Variants in TMEM141 observed in about 807,000 individuals in gnomAD.
The protein encoded by TMEM141 is transmembrane protein 141.
TMEM141 carries 18 observed loss-of-function variants against 15.9 expected under a neutral mutation model. That is an observed-to-expected ratio of 1.13 (90% confidence interval 0.78 to 1.68). The LOEUF (loss-of-function observed/expected upper bound fraction) is 1.68, where lower values mean the gene tolerates loss of function less well. Ranked by LOEUF, TMEM141 falls within the 40% of genes most tolerant of loss-of-function variation. The pLI is 0.00. For synonymous variants in TMEM141, 69 were observed against 54.0 expected, an observed-to-expected ratio of 1.28 and a Z score of -1.22; for missense variants, 161 against 139.5, an observed-to-expected ratio of 1.15 and a Z score of -0.78.
chr9:136,791,831 G>A (rs939935666), intron 2 of TMEM141, 54 bp downstream of exon 2: 11 of 1,608,490 alleles, frequency 6.8e-6, no homozygotes, highest in Admixed American at 1.7e-5. Context: ...CTCCCGCCCT[G>A]CCCTGACTCC....
In TMEM141 at chr9:136,792,930, G is replaced by A. The variant is rs1847605813; in HGVS notation, c.*98G>A. 1.4e-6 allele frequency: 2 copies of A among 1,395,946 alleles called. No homozygotes were observed. The highest frequency in any genetic ancestry group is 2.8e-5 in the Admixed American group (1 of 36,224). The allele number at this position is 1,395,946 out of a possible 1,614,324, so 86.5% of individuals were successfully genotyped here. A position where few individuals can be genotyped will look rare whatever the true frequency, so the allele number is the denominator to read the frequency against. ...CCAGGCCGACCCTCCCCACACCCTA[G>A]GGTACCCCAGTCGTATCCTCTGTCC... On this transcript the variant is annotated 3_prime_UTR_variant, in exon 5 of 5. Transcript: ENST00000290079.
chr9:136,792,052 C>T (rs764954624), intron 3 of TMEM141, 22 bp downstream of exon 3: 1 of 1,613,116 alleles, frequency 6.2e-7, no homozygotes, highest in Non-Finnish European at 8.5e-7. Context: ...AGGGCCCCTG[C>T]CTGGGCTCTT....
At position 136,791,939 on chromosome 9, in the gene TMEM141, C is replaced by T. The variant is rs367554345; in HGVS notation, c.122-8C>T. On this transcript the variant is annotated splice_polypyrimidine_tract_variant and splice_region_variant and intron_variant, in intron 2 of 4. Coordinates refer to ENST00000290079, the MANE Select transcript of TMEM141 (RefSeq NM_032928.4). ...GTACAGGTTGATGGGGACCTCGGCT[C>T]TTTGCAGGCACCGGCATGGCCTTTG... 8.7e-6 allele frequency: 14 copies of T among 1,613,970 alleles called. No homozygotes were observed. The African/African-American group carries it at 1.7e-4, about 20-fold the overall frequency.
intron 3 of TMEM141, 103 bp downstream of exon 3, chr9:136,792,133 C>A: frequency 6.5e-7 from 1 of 1,537,738 alleles, no homozygotes; most frequent in Non-Finnish European, 8.9e-7. Flanking sequence ...AGCCCCAGGT[C>A]TCGGCGGGAG....
rs886070876 is a variant in TMEM141, at chr9:136,792,881, A to G, written c.*49A>G. ...GGATTGGGGGCAGGAGGAGTCTGGA[A>G]CACAGCCTTCATGCCCCCTGACCCC... On this transcript the variant is annotated 3_prime_UTR_variant, in exon 5 of 5. Coordinates refer to ENST00000290079, the MANE Select transcript of TMEM141 (RefSeq NM_032928.4). The G allele has an allele frequency of 4.0e-6, 6 of 1,489,840 alleles. No individual in the cohort carries two copies. Among genetic ancestry groups the G allele is most frequent in the African/African-American group, 1.4e-5 (1 of 70,564 alleles). 92.3% of individuals were successfully genotyped at this position (1,489,840 alleles called of 1,614,324 possible).
At chr9:136,791,598 A>G in intron 1 of TMEM141, 113 bp from the exon 2 acceptor site, 1 of 1,568,068 alleles carries the variant, frequency 6.4e-7, no homozygotes, top group Non-Finnish European at 8.7e-7. Context: ...GGACGTGTCC[A>G]AGCGCCCAGG....
intron 4 of TMEM141, among the ~76,000 whole-genome samples, 187 bp downstream of exon 4, chr9:136,792,545 A>G (rs1487863809): frequency 1.3e-5 from 2 of 152,056 alleles, no homozygotes; most frequent in Non-Finnish European, 2.9e-5. Flanking sequence ...GATCTTGGAG[A>G]GCTCCCTTTG....
At position 136,793,004 on chromosome 9, in the gene TMEM141, A is replaced by G. The variant is rs1366436735; in HGVS notation, c.*172A>G. 1.2e-6 allele frequency: 1 copy of G among 844,268 alleles called. No homozygotes were observed. Among genetic ancestry groups the G allele is most frequent in the Non-Finnish European group, 1.5e-6 (1 of 648,184 alleles). The allele number at this position is 844,268 out of a possible 1,614,324, so 52.3% of individuals were successfully genotyped here. A position where few individuals can be genotyped will look rare whatever the true frequency, so the allele number is the denominator to read the frequency against. The stretch of plus-strand genomic sequence containing the variant: ...ACACCTGCAGATGGCTGCTGCCCCA[A>G]CCTGGGACCTGCCCAGGAGGTTGGA... On this transcript the variant is annotated 3_prime_UTR_variant, in exon 5 of 5. Transcript: ENST00000290079.
chr9:136,792,100 C>A, intron 3 of TMEM141, 70 bp downstream of exon 3: 2 of 1,593,562 alleles, frequency 1.3e-6, no homozygotes, highest in South Asian at 1.1e-5. Flanking sequence ...GGCTGTGGTT[C>A]TGCGTCCCTG....
At chr9:136,792,479 C>A in intron 4 of TMEM141, 121 bp downstream of exon 4, 1 of 818,654 alleles carries the variant, frequency 1.2e-6, no homozygotes, top group Non-Finnish European at 2.0e-6. Flanking sequence ...TCTGGCCCGG[C>A]CTCCTCAGCA....
In TMEM141 at chr9:136,792,821, C is replaced by G. The variant is rs758560863; in HGVS notation, c.316C>G (p.Gln106Glu). 18 of 1,571,304 alleles carry G rather than the reference C, an allele frequency of 1.1e-5. No individual in the cohort carries two copies. In the African/African-American group the frequency reaches 2.0e-4, roughly 18 times the overall value. The change falls in exon 5 of 5, where the codon CAG (glutamine) becomes GAG (glutamate). Residue 106 changes from glutamine to glutamate, a missense_variant and splice_region_variant. Coordinates refer to ENST00000290079, the MANE Select transcript of TMEM141 (RefSeq NM_032928.4). ...TTGTCTCTCTTTGCCTTTTACAGAT[C>G]AGAGAAGCTAGGAGAGCTCCAGCAG... The part of the protein sequence containing the change: ...GQLPKDRSTD[Q>E]RS
chr9:136,791,346 G>T lies in TMEM141; in HGVS notation c.-25G>T. 1 of 1,552,314 alleles carries T rather than the reference G, an allele frequency of 6.4e-7. No homozygotes were observed. Among genetic ancestry groups the T allele is most frequent in the Non-Finnish European group, 8.7e-7 (1 of 1,148,240 alleles). On this transcript the variant is annotated 5_prime_UTR_variant, in exon 1 of 5. Transcript: ENST00000290079. ...CGCCCTTCCGCCTGCGCCTGCGCAG[G>T]CCCGCTCCCCGAGCCCTGCCAACCA...
intron 2 of TMEM141, 65 bp from the exon 3 acceptor site, chr9:136,791,882 G>A: frequency 6.2e-7 from 1 of 1,612,044 alleles, no homozygotes; most frequent in Non-Finnish European, 8.5e-7. Context: ...AGGTGCTGGG[G>A]GCCTGGCAAG....
At chr9:136,791,645 G>C (rs1378933949) in intron 1 of TMEM141, 66 bp from the exon 2 acceptor site, 6 of 1,596,868 alleles carry the variant, frequency 3.8e-6, no homozygotes, top group Non-Finnish European at 5.1e-6. Flanking sequence ...GCCCAGAGGA[G>C]GGACAGGAGA....
intron 3 of TMEM141, 83 bp downstream of exon 3, chr9:136,792,113 T>C: frequency 6.4e-7 from 1 of 1,570,022 alleles, no homozygotes; most frequent in Non-Finnish European, 8.7e-7. Flanking sequence ...CGTCCCTGAC[T>C]CTGACATGGA....
chr9:136,791,538 C>T, intron 1 of TMEM141, 114 bp downstream of exon 1: 1 of 1,547,916 alleles, frequency 6.5e-7, no homozygotes, highest in Non-Finnish European at 8.7e-7. Flanking sequence ...AGGCTGGGGG[C>T]ACTCTCTTGC....
In TMEM141 at chr9:136,791,934, C is replaced by G; in HGVS notation, c.122-13C>G. The G allele has an allele frequency of 3.1e-6, 5 of 1,614,034 alleles. No individual in the cohort carries two copies. The highest frequency in any genetic ancestry group is 4.2e-6 in the Non-Finnish European group (5 of 1,179,998). On this transcript the variant is annotated splice_polypyrimidine_tract_variant and intron_variant, in intron 2 of 4. Transcript: ENST00000290079. The stretch of plus-strand genomic sequence containing the variant: ...CCCGGGTACAGGTTGATGGGGACCT[C>G]GGCTCTTTGCAGGCACCGGCATGGC...
chr9:136,791,707 C>T lies in TMEM141; in HGVS notation c.55-4C>T, dbSNP rs2131119911. The T allele has an allele frequency of 1.2e-6, 2 of 1,612,962 alleles. No homozygotes were observed. Among genetic ancestry groups the T allele is most frequent in the East Asian group, 2.2e-5 (1 of 44,878 alleles). Reference sequence around the variant, plus strand: ...CGAGCCTTCACCCGCCTCTGCCACCCCAGGGACTCGGGGAGTATGCCGCAT... The same window carrying T: ...CGAGCCTTCACCCGCCTCTGCCACCTCAGGGACTCGGGGAGTATGCCGCAT... On this transcript the variant is annotated splice_polypyrimidine_tract_variant and splice_region_variant and intron_variant, in intron 1 of 4. Transcript: ENST00000290079.
intron 1 of TMEM141, 139 bp downstream of exon 1, chr9:136,791,563 C>T: frequency 6.4e-7 from 1 of 1,562,382 alleles, no homozygotes; most frequent in Non-Finnish European, 8.7e-7. Context: ...GGGCTCAGGG[C>T]GTCCGGGTGG....
Sources: allele counts gnomAD v4.1 joint callset (sites outside exome capture counted in the v4.1 genomes callset), GRCh38; gene constraint gnomAD v4.1.1; transcripts MANE v1.5; gene names NCBI Gene and HGNC (gene_info 2026-07-23, HGNC 2026-07-21).